ANTXR1: variants seen among roughly 807,000 people sequenced by gnomAD.
ANTXR1 encodes the protein anthrax toxin receptor 1.
In ANTXR1, 19 loss-of-function variants were observed where a neutral mutation model predicts 78.1. That is an observed-to-expected ratio of 0.24 (90% CI 0.17 to 0.36). ANTXR1 has a LOEUF of 0.36. Ranked by LOEUF, ANTXR1 falls within the 10% of genes least tolerant of loss-of-function variation. The pLI is 1.00. For synonymous variants in ANTXR1, 273 were observed against 260.5 expected (o/e 1.05, Z -0.46); for missense variants, 518 against 718.6 (o/e 0.72, Z 3.19).
At chr2:69,165,529 G>C (rs1673803429) in intron 13 of ANTXR1, among the ~76,000 whole-genome samples, 1 of 152,270 alleles carries the variant, frequency 6.6e-6, no homozygotes, top group African/African-American at 2.4e-5. Flanking sequence ...AGACAAGAAA[G>C]ATGAGGAGGG....
chr2:69,030,742 C>G (rs1478468292), intron 1 of ANTXR1, among the ~76,000 whole-genome samples: 3 of 152,068 alleles, frequency 2.0e-5, no homozygotes, highest in Non-Finnish European at 4.4e-5. Context: ...CAAAGAATGC[C>G]TCCATATATC....
intron 12 of ANTXR1, among the ~76,000 whole-genome samples, chr2:69,142,445 T>C (rs1673095307): frequency 1.3e-5 from 2 of 152,200 alleles, no homozygotes; most frequent in African/African-American, 4.8e-5. Context: ...AACATAATAA[T>C]ATAATTTCTA....
At chr2:69,208,843 T>A (rs140969624) in intron 17 of ANTXR1, among the ~76,000 whole-genome samples, 1 of 152,334 alleles carries the variant, frequency 6.6e-6, no homozygotes, top group Non-Finnish European at 1.5e-5. Context: ...CCAATTCCTA[T>A]CCCAAACTTC....
intron 17 of ANTXR1, among the ~76,000 whole-genome samples, chr2:69,230,469 T>C (rs1311026985): frequency 6.6e-6 from 1 of 152,136 alleles, no homozygotes; most frequent in Non-Finnish European, 1.5e-5. Context: ...TCATATAGCC[T>C]TAGGACAGAG....
At chr2:69,182,999 A>G (rs2104464014) in intron 16 of ANTXR1, 1 of 284,240 alleles carries the variant, frequency 3.5e-6, no homozygotes, top group East Asian at 9.2e-5. Context: ...AAAAAAAATC[A>G]CCATGGCAAG....
At chr2:69,035,564 A>G (rs534347467) in intron 1 of ANTXR1, among the ~76,000 whole-genome samples, 1 of 152,278 alleles carries the variant, frequency 6.6e-6, no homozygotes, top group Non-Finnish European at 1.5e-5. Flanking sequence ...TGGTTCCTAG[A>G]ATCTTAGAAG....
intron 16 of ANTXR1, among the ~76,000 whole-genome samples, chr2:69,191,674 A>G (rs1674549351): frequency 1.3e-5 from 2 of 152,236 alleles, no homozygotes; most frequent in South Asian, 4.1e-4. Flanking sequence ...CTGGTCCCAT[A>G]CAAAATTGAT....
intron 2 of ANTXR1, among the ~76,000 whole-genome samples, chr2:69,040,882 A>T (rs1249992705): frequency 2.0e-5 from 3 of 152,178 alleles, no homozygotes; most frequent in Non-Finnish European, 4.4e-5. Flanking sequence ...GCCTCCATAG[A>T]GTCTTCCGGT....
At chr2:69,142,989 C>A (rs1317041709) in intron 12 of ANTXR1, among the ~76,000 whole-genome samples, 2 of 152,172 alleles carry the variant, frequency 1.3e-5, no homozygotes, top group Non-Finnish European at 2.9e-5. Context: ...TGTATACTTT[C>A]ATTAGGAAAG....
At chr2:69,129,931 C>G (rs976610716) in intron 12 of ANTXR1, among the ~76,000 whole-genome samples, 6 of 152,158 alleles carry the variant, frequency 3.9e-5, no homozygotes, top group Non-Finnish European at 7.4e-5. Flanking sequence ...AGAAGTGGGA[C>G]GAGGCCATGC....
chr2:69,082,913 A>G (rs182682604), intron 8 of ANTXR1, among the ~76,000 whole-genome samples: 25 of 152,352 alleles, frequency 1.6e-4, no homozygotes, highest in African/African-American at 6.0e-4. Context: ...ATAAACAACA[A>G]GCATTGAGCA....
At chr2:69,095,019 G>A (rs565317750) in intron 9 of ANTXR1, among the ~76,000 whole-genome samples, 41 of 152,292 alleles carry the variant, frequency 2.7e-4, no homozygotes, top group African/African-American at 9.6e-4. Context: ...ACCATCCAGT[G>A]TCCAGGTCAG....
intron 14 of ANTXR1, among the ~76,000 whole-genome samples, chr2:69,176,565 C>T (rs144949554): frequency 1.2e-4 from 18 of 152,294 alleles, no homozygotes; most frequent in African/African-American, 4.1e-4. Flanking sequence ...GTCATTCTCA[C>T]GAAACTCACT....
At chr2:69,185,565 A>G (rs984905567) in intron 16 of ANTXR1, among the ~76,000 whole-genome samples, 7 of 151,990 alleles carry the variant, frequency 4.6e-5, no homozygotes, top group East Asian at 1.9e-4. Flanking sequence ...AAAAAAAAAA[A>G]AAGAAGAAGA....
rs188089457 is a variant in ANTXR1 at position 69,087,959 on chromosome 2, C to T, written c.643-2900C>T. ...AATGAGTAGGAGCCCCAGTCCCAGA[C>T]AAATCCTGCCCATCCCCCTCACTGA... On this transcript the variant is annotated intron_variant, in intron 8 of 17. Transcript: ENST00000303714. 7.9e-4 allele frequency among the ~76,000 whole-genome samples: 121 copies of T among 152,348 alleles called. 1 individual carries two copies. Among genetic ancestry groups the T allele is most frequent in the Middle Eastern group, 6.8e-3 (2 of 294 alleles).
intron 13 of ANTXR1, among the ~76,000 whole-genome samples, chr2:69,169,724 G>A (rs1028517824): frequency 3.3e-5 from 5 of 152,218 alleles, no homozygotes; most frequent in Admixed American, 6.5e-5. Context: ...GTTGGGACTC[G>A]GTCTGCCTGG....
At chr2:69,168,839 C>T (rs1673900327) in intron 13 of ANTXR1, among the ~76,000 whole-genome samples, 1 of 152,246 alleles carries the variant, frequency 6.6e-6, no homozygotes, top group South Asian at 2.1e-4. Flanking sequence ...CGTCTCACAG[C>T]AGCCAGGAAG....
chr2:69,116,888 T>C (rs1672161708), intron 10 of ANTXR1, among the ~76,000 whole-genome samples: 1 of 152,260 alleles, frequency 6.6e-6, no homozygotes, highest in Admixed American at 6.5e-5. Context: ...TTGAATTGGC[T>C]AATGAATTTC....
intron 16 of ANTXR1, among the ~76,000 whole-genome samples, chr2:69,187,947 G>A (rs1370669906): frequency 7.0e-6 from 1 of 143,564 alleles, no homozygotes; most frequent in Non-Finnish European, 1.5e-5. Flanking sequence ...CTTATAAGTT[G>A]AACTACTCTC....
Sources: allele counts gnomAD v4.1 joint callset (sites outside exome capture counted in the v4.1 genomes callset), GRCh38; gene constraint gnomAD v4.1.1; transcripts MANE v1.5; gene names NCBI Gene and HGNC (gene_info 2026-07-23, HGNC 2026-07-21).